Variants in LRRC4C observed in about 807,000 individuals in gnomAD.
LRRC4C encodes leucine rich repeat containing 4C.
LRRC4C carries 5 observed loss-of-function variants against 33.6 expected under a neutral mutation model. The ratio of observed to expected loss-of-function variants is 0.15; its 90% CI spans 0.08 to 0.31. The LOEUF (loss-of-function observed/expected upper bound fraction) is 0.31. Ranked by LOEUF, LRRC4C falls within the 10% of genes least tolerant of loss-of-function variation. The probability of loss-of-function intolerance (pLI) is 1.00; values close to 1 mark genes in which losing one functional copy is unlikely to be tolerated. For synonymous variants in LRRC4C, 329 were observed against 302.0 expected (o/e 1.09, Z -0.93); for missense variants, 560 against 796.7 (o/e 0.70, Z 3.58).
At chr11:41,062,815 G>T (rs935955267) in intron 1 of LRRC4C, among the ~76,000 whole-genome samples, 1 of 152,108 alleles carries the variant, frequency 6.6e-6, no homozygotes, top group African/African-American at 2.4e-5. Context: ...ACACAACAGA[G>T]ATACAGATAC....
At chr11:40,509,365 A>T (rs531939128) in intron 3 of LRRC4C, among the ~76,000 whole-genome samples, 2 of 152,290 alleles carry the variant, frequency 1.3e-5, no homozygotes, top group Non-Finnish European at 2.9e-5. Flanking sequence ...AAATGGTAAG[A>T]TCATGGATAC....
At chr11:41,136,632 C>A (rs184510883) in intron 1 of LRRC4C, among the ~76,000 whole-genome samples, 3 of 152,142 alleles carry the variant, frequency 2.0e-5, no homozygotes, top group African/African-American at 7.2e-5. Flanking sequence ...GGATCTTGGC[C>A]TAGAGTCCTT....
intron 2 of LRRC4C, among the ~76,000 whole-genome samples, chr11:40,904,538 C>G (rs1956337309): frequency 6.6e-6 from 1 of 152,142 alleles, no homozygotes; most frequent in Non-Finnish European, 1.5e-5. Context: ...AATCTACCCA[C>G]AAACAAATAT....
intron 1 of LRRC4C, among the ~76,000 whole-genome samples, chr11:41,120,906 T>A (rs1159314493): frequency 2.0e-5 from 3 of 152,146 alleles, no homozygotes; most frequent in Non-Finnish European, 4.4e-5. Flanking sequence ...TTGCTCTCTC[T>A]TTATCCTACT....
intron 3 of LRRC4C, among the ~76,000 whole-genome samples, chr11:40,577,144 C>T: frequency 6.6e-6 from 1 of 152,148 alleles, no homozygotes. Context: ...AAAGCATGAA[C>T]TTGTGACACT....
At chr11:41,450,933 C>T (rs2138640944) in intron 1 of LRRC4C, among the ~76,000 whole-genome samples, 1 of 152,208 alleles carries the variant, frequency 6.6e-6, no homozygotes, top group South Asian at 2.1e-4. Context: ...CCACAAATTC[C>T]TCAGGGATAA....
chr11:40,634,249 T>C (rs1459922103), intron 3 of LRRC4C, among the ~76,000 whole-genome samples: 2 of 152,202 alleles, frequency 1.3e-5, no homozygotes, highest in Admixed American at 6.5e-5. Flanking sequence ...AAACTAAAGA[T>C]CACAAATTGG....
intron 2 of LRRC4C, among the ~76,000 whole-genome samples, chr11:40,813,758 C>T (rs753275624): frequency 6.6e-6 from 1 of 152,086 alleles, no homozygotes; most frequent in Non-Finnish European, 1.5e-5. Context: ...GATAAATGCA[C>T]CCATTCCAAA....
chr11:41,175,958 C>G (rs1835318592), intron 1 of LRRC4C, among the ~76,000 whole-genome samples: 1 of 152,148 alleles, frequency 6.6e-6, no homozygotes, highest in Non-Finnish European at 1.5e-5. Flanking sequence ...GCATTTCTAC[C>G]AGTAGGACTT....
At chr11:41,379,200 T>C (rs1409430221) in intron 1 of LRRC4C, among the ~76,000 whole-genome samples, 1 of 152,138 alleles carries the variant, frequency 6.6e-6, no homozygotes, top group Non-Finnish European at 1.5e-5. Context: ...AACTTGTCAC[T>C]TGCACTGTGG....
intron 1 of LRRC4C, among the ~76,000 whole-genome samples, chr11:41,009,143 CT>C (rs1369265369): frequency 6.6e-6 from 1 of 151,832 alleles, no homozygotes; most frequent in Non-Finnish European, 1.5e-5. Context: ...AGCTAAATAG[CT>C]TCTTTGTTTT....
At chr11:41,142,550 G>A (rs1226294106) in intron 1 of LRRC4C, among the ~76,000 whole-genome samples, 2 of 152,224 alleles carry the variant, frequency 1.3e-5, no homozygotes, top group African/African-American at 4.8e-5. Flanking sequence ...TTGTATATTT[G>A]CTAGAACGGG....
chr11:40,654,302 A>T (rs1156440873), intron 2 of LRRC4C, among the ~76,000 whole-genome samples: 2 of 152,092 alleles, frequency 1.3e-5, no homozygotes, highest in Admixed American at 1.3e-4. Context: ...AGCCACAGAC[A>T]CTCAATCCTA....
At position 41,459,521 on chromosome 11, in the gene LRRC4C, T is replaced by G. The variant is rs1956271228; in HGVS notation, c.-586A>C. 1 of 152,092 alleles carries G rather than the reference T, an allele frequency of 6.6e-6. No homozygotes were observed. The highest frequency in any genetic ancestry group is 2.1e-4 in the South Asian group (1 of 4,834). 9.4% of individuals were successfully genotyped at this position (152,092 alleles called of 1,614,324 possible). On this transcript the variant is annotated 5_prime_UTR_variant, in exon 1 of 7. Transcript: ENST00000528697. Reference sequence around the variant, plus strand: ...TCTATTTTCTTTTCTTCTTTTTATTTTTTTTTAAGTCATATCGGAGAAAAA... The same window carrying G: ...TCTATTTTCTTTTCTTCTTTTTATTGTTTTTTAAGTCATATCGGAGAAAAA...
intron 1 of LRRC4C, among the ~76,000 whole-genome samples, chr11:41,154,611 T>C (rs1260698231): frequency 6.6e-6 from 1 of 152,154 alleles, no homozygotes; most frequent in African/African-American, 2.4e-5. Flanking sequence ...GCATACTTTC[T>C]TCTTTTTCAA....
chr11:40,173,773 G>C (rs565031008), intron 5 of LRRC4C, among the ~76,000 whole-genome samples: 253 of 152,290 alleles, frequency 1.7e-3, no homozygotes, highest in African/African-American at 5.8e-3. Flanking sequence ...CATAGTTTCT[G>C]TCTCTGGCTC....
At chr11:40,186,095 T>G (rs140157159) in intron 5 of LRRC4C, among the ~76,000 whole-genome samples, 5 of 152,222 alleles carry the variant, frequency 3.3e-5, no homozygotes, top group Admixed American at 3.3e-4. Flanking sequence ...GGCACCTTGA[T>G]TGTTTCTTGT....
chr11:40,259,365 T>C (rs903520041), intron 4 of LRRC4C, among the ~76,000 whole-genome samples: 6 of 152,150 alleles, frequency 3.9e-5, no homozygotes, highest in Admixed American at 3.9e-4. Context: ...GTAGGTTGCC[T>C]GTTCACTCTG....
chr11:40,206,899 T>C (rs1282705920), intron 5 of LRRC4C, among the ~76,000 whole-genome samples: 1 of 152,154 alleles, frequency 6.6e-6, no homozygotes, highest in African/African-American at 2.4e-5. Flanking sequence ...TTCTGCATTA[T>C]AGGCAATAGA....
Sources: allele counts gnomAD v4.1 joint callset (sites outside exome capture counted in the v4.1 genomes callset), GRCh38; gene constraint gnomAD v4.1.1; transcripts MANE v1.5; gene names NCBI Gene and HGNC (gene_info 2026-07-23, HGNC 2026-07-21).